SLC9A9: variants seen among roughly 807,000 people sequenced by gnomAD.
The protein encoded by SLC9A9 is solute carrier family 9 member A9, also known as sodium/hydrogen exchanger 9.
Under a neutral mutation model 77.8 loss-of-function variants are expected in SLC9A9, and 62 were observed. That is an observed-to-expected ratio of 0.80 (90% confidence interval 0.65 to 0.98). SLC9A9 has a LOEUF of 0.98. SLC9A9 is among the 50% of genes least tolerant of loss of function. SLC9A9 has a pLI of 0.00. For synonymous variants in SLC9A9, 320 were observed against 283.5 expected (o/e 1.13, Z -1.29); for missense variants, 775 against 774.9 (o/e 1.00, Z 0.00).
At chr3:143,298,396 C>T (rs1373887848) in intron 14 of SLC9A9, among the ~76,000 whole-genome samples, 1 of 152,154 alleles carries the variant, frequency 6.6e-6, no homozygotes, top group Non-Finnish European at 1.5e-5. Flanking sequence ...TAGTCCAGAG[C>T]CTTGATGCAT....
chr3:143,460,064 T>C (rs959186121), intron 12 of SLC9A9, among the ~76,000 whole-genome samples: 15 of 152,162 alleles, frequency 9.9e-5, no homozygotes, highest in Non-Finnish European at 2.1e-4. Flanking sequence ...ATGTCCCCTT[T>C]CCTTTATCTT....
chr3:143,322,198 C>T (rs553385897), intron 14 of SLC9A9, among the ~76,000 whole-genome samples: 32 of 151,996 alleles, frequency 2.1e-4, no homozygotes, highest in Non-Finnish European at 4.0e-4. Context: ...TTTTTCCGGG[C>T]GTGTCTGTGA....
intron 14 of SLC9A9, among the ~76,000 whole-genome samples, chr3:143,296,763 T>C (rs1183933776): frequency 2.6e-5 from 4 of 152,234 alleles, no homozygotes; most frequent in African/African-American, 7.2e-5. Flanking sequence ...GTGGTTTTGA[T>C]ATGACTTTCC....
intron 13 of SLC9A9, among the ~76,000 whole-genome samples, chr3:143,373,629 A>AT (rs2033108598): frequency 1.3e-5 from 2 of 149,630 alleles, no homozygotes; most frequent in African/African-American, 4.9e-5. Flanking sequence ...AAAAAAAAAA[A>AT]TAGCCATTAA....
intron 5 of SLC9A9, among the ~76,000 whole-genome samples, chr3:143,684,802 G>A (rs185396187): frequency 1.6e-4 from 25 of 152,168 alleles, no homozygotes; most frequent in Admixed American, 1.2e-3. Context: ...GTATAAAGTA[G>A]TTTATAGGTT....
intron 6 of SLC9A9, among the ~76,000 whole-genome samples, chr3:143,610,297 C>A (rs186363414): frequency 6.6e-4 from 101 of 152,180 alleles, no homozygotes; most frequent in African/African-American, 2.4e-3. Context: ...TACAAGCATG[C>A]CACCACACCC....
intron 14 of SLC9A9, among the ~76,000 whole-genome samples, chr3:143,307,089 T>A (rs1243439990): frequency 6.6e-6 from 1 of 152,232 alleles, no homozygotes; most frequent in Non-Finnish European, 1.5e-5. Context: ...CTGTTCTTTC[T>A]AATAGAGGGT....
intron 6 of SLC9A9, among the ~76,000 whole-genome samples, chr3:143,585,668 C>T (rs1180415660): frequency 3.3e-5 from 5 of 152,198 alleles, no homozygotes; most frequent in African/African-American, 9.7e-5. Flanking sequence ...CTAACATCGC[C>T]AATCTCCTTA....
At chr3:143,525,424 C>A (rs1012717793) in intron 9 of SLC9A9, among the ~76,000 whole-genome samples, 2 of 152,154 alleles carry the variant, frequency 1.3e-5, no homozygotes, top group African/African-American at 4.8e-5. Context: ...CAAGATCACA[C>A]AGCAACTAAG....
At chr3:143,824,176 G>A (rs532487651) in intron 2 of SLC9A9, among the ~76,000 whole-genome samples, 15 of 151,830 alleles carry the variant, frequency 9.9e-5, no homozygotes, top group African/African-American at 3.4e-4. Flanking sequence ...ATTCCAAGAT[G>A]ATCTCTCTCT....
chr3:143,722,289 C>A (rs1014313524), intron 4 of SLC9A9, among the ~76,000 whole-genome samples: 4 of 151,706 alleles, frequency 2.6e-5, no homozygotes, highest in African/African-American at 4.8e-5. Flanking sequence ...CTGGCTAAAG[C>A]GGTGAAACCC....
chr3:143,271,201 G>A (rs571481210), intron 14 of SLC9A9, among the ~76,000 whole-genome samples: 4 of 152,332 alleles, frequency 2.6e-5, no homozygotes, highest in Non-Finnish European at 5.9e-5. Context: ...CAGCAGATAA[G>A]GGGGTACAAC....
At chr3:143,490,468 T>C (rs899249614) in intron 11 of SLC9A9, among the ~76,000 whole-genome samples, 4 of 151,994 alleles carry the variant, frequency 2.6e-5, no homozygotes, top group African/African-American at 9.7e-5. Context: ...GCTCCTAAAG[T>C]GGTCAAAATC....
intron 5 of SLC9A9, among the ~76,000 whole-genome samples, chr3:143,675,263 T>C (rs2108768466): frequency 6.6e-6 from 1 of 152,342 alleles, no homozygotes; most frequent in South Asian, 2.1e-4. Context: ...ACCTGAGGTC[T>C]CCTAACTCCC....
At chr3:143,403,123 G>A (rs1195708131) in intron 12 of SLC9A9, among the ~76,000 whole-genome samples, 3 of 151,978 alleles carry the variant, frequency 2.0e-5, no homozygotes, top group Non-Finnish European at 1.5e-5. Context: ...ACAATTCGGT[G>A]TTGCTACTTT....
chr3:143,405,748 CTGTATTCTTGGT>C (rs2033964100), intron 12 of SLC9A9, among the ~76,000 whole-genome samples: 1 of 152,128 alleles, frequency 6.6e-6, no homozygotes, highest in Non-Finnish European at 1.5e-5. Context: ...GGAGGAGCTC[CTGTATTCTTGGT>C]TGTATTCATT....
chr3:143,362,611 G>T (rs2032783405), intron 14 of SLC9A9, among the ~76,000 whole-genome samples: 1 of 151,630 alleles, frequency 6.6e-6, no homozygotes, highest in African/African-American at 2.4e-5. Flanking sequence ...CTGATCTGTT[G>T]TGGCTTTAAT....
intron 12 of SLC9A9, among the ~76,000 whole-genome samples, chr3:143,450,106 C>T (rs1370368810): frequency 8.8e-6 from 1 of 113,792 alleles, no homozygotes; most frequent in African/African-American, 3.6e-5. Flanking sequence ...ATATAATATA[C>T]ATATTATATT....
chr3:143,599,248 C>T (rs2037806930), intron 6 of SLC9A9, among the ~76,000 whole-genome samples: 1 of 152,180 alleles, frequency 6.6e-6, no homozygotes. Context: ...AATTATGTTT[C>T]TGAATTTCTT....
Sources: allele counts gnomAD v4.1 joint callset (sites outside exome capture counted in the v4.1 genomes callset), GRCh38; gene constraint gnomAD v4.1.1; transcripts MANE v1.5; gene names NCBI Gene and HGNC (gene_info 2026-07-23, HGNC 2026-07-21).